The following MRPS31 variants were observed in gnomAD, a reference collection of about 807,000 sequenced individuals.
MRPS31 encodes small ribosomal subunit protein mS31.
MRPS31 carries 32 observed loss-of-function variants against 43.1 expected under a neutral mutation model. The observed-to-expected ratio is 0.74, with a 90% CI of 0.56 to 1.00. MRPS31 has a LOEUF of 1.00. Among genes scored for constraint, MRPS31 ranks in the 50% least tolerant of loss-of-function variants. The probability of loss-of-function intolerance (pLI) is 0.00; values close to 1 mark genes in which losing one functional copy is unlikely to be tolerated. For synonymous variants in MRPS31, 165 were observed against 161.6 expected (o/e 1.02, Z -0.16); for missense variants, 437 against 466.7 (o/e 0.94, Z 0.59).
At chr13:40,758,306 G>C (rs538840141) in intron 3 of MRPS31, among the ~76,000 whole-genome samples, 5 of 152,242 alleles carry the variant, frequency 3.3e-5, no homozygotes, top group African/African-American at 9.6e-5. Flanking sequence ...TGTTCCTCTT[G>C]TCTTAGCCTC....
In MRPS31 at chr13:40,737,574, A is replaced by G. The variant is rs543474419; in HGVS notation, c.959-7973T>C. 5.9e-5 allele frequency among the ~76,000 whole-genome samples: 9 copies of G among 152,362 alleles called. No homozygotes were observed. In the East Asian group the frequency reaches 9.6e-4, roughly 16 times the overall value. The stretch of plus-strand genomic sequence containing the variant: ...CAAATGTAAAAGAACAGACATTATA[A>G]CAAACTATCTATCTGTCAGACCACA... On this transcript the variant is annotated intron_variant, in intron 6 of 6. Coordinates refer to ENST00000323563, the MANE Select transcript of MRPS31 (RefSeq NM_005830.4).
chr13:40,730,431 A>G (rs887389288), intron 6 of MRPS31, among the ~76,000 whole-genome samples: 1 of 152,104 alleles, frequency 6.6e-6, no homozygotes, highest in African/African-American at 2.4e-5. Context: ...AGGCTGAGGT[A>G]TAAGAATTGT....
intron 6 of MRPS31, among the ~76,000 whole-genome samples, chr13:40,731,410 C>T (rs1473561638): frequency 1.3e-5 from 2 of 151,140 alleles, no homozygotes; most frequent in African/African-American, 2.4e-5. Context: ...GGTGAAACCC[C>T]GTCTCTACTA....
intron 6 of MRPS31, among the ~76,000 whole-genome samples, chr13:40,730,484 C>T (rs1879649650): frequency 6.6e-6 from 1 of 152,182 alleles, no homozygotes; most frequent in African/African-American, 2.4e-5. Flanking sequence ...AAGATCAAGC[C>T]ACTACACTCC....
intron 2 of MRPS31, among the ~76,000 whole-genome samples, chr13:40,762,084 G>GAA (rs796507263): frequency 2.1e-5 from 3 of 142,308 alleles, no homozygotes; most frequent in Non-Finnish European, 4.7e-5. Flanking sequence ...TCTACAAAAA[G>GAA]AAAAAAAAAA....
At chr13:40,768,201 A>C (rs1880903749) in intron 1 of MRPS31, among the ~76,000 whole-genome samples, 1 of 152,232 alleles carries the variant, frequency 6.6e-6, no homozygotes, top group African/African-American at 2.4e-5. Flanking sequence ...GTAAGAGGGT[A>C]TATTAAAAAA....
intron 5 of MRPS31, among the ~76,000 whole-genome samples, chr13:40,751,440 T>G (rs922186295): frequency 6.6e-6 from 1 of 152,172 alleles, no homozygotes; most frequent in African/African-American, 2.4e-5. Context: ...TGGGGAAAAG[T>G]TAGTGTGGCA....
intron 6 of MRPS31, among the ~76,000 whole-genome samples, chr13:40,741,659 A>C (rs1880095723): frequency 6.6e-6 from 1 of 152,152 alleles, no homozygotes; most frequent in Non-Finnish European, 1.5e-5. Context: ...GAGACTTTGT[A>C]AGTATTTATT....
chr13:40,736,575 C>T (rs964933363), intron 6 of MRPS31, among the ~76,000 whole-genome samples: 26 of 151,052 alleles, frequency 1.7e-4, no homozygotes, highest in South Asian at 8.4e-4. Context: ...AGACTAACAG[C>T]GGATCTCTCG....
intron 6 of MRPS31, among the ~76,000 whole-genome samples, chr13:40,742,286 T>G (rs188708531): frequency 1.3e-4 from 20 of 152,320 alleles, no homozygotes; most frequent in Non-Finnish European, 2.5e-4. Flanking sequence ...TGTCTAATTC[T>G]GCTTTAAGTA....
At chr13:40,766,561 C>G (rs1420296443) in intron 2 of MRPS31, among the ~76,000 whole-genome samples, 185 bp downstream of exon 2, 1 of 152,176 alleles carries the variant, frequency 6.6e-6, no homozygotes, top group African/African-American at 2.4e-5. Context: ...TCCCAAAGTG[C>G]TGGGATTACA....
intron 6 of MRPS31, among the ~76,000 whole-genome samples, chr13:40,740,140 C>A (rs1173552150): frequency 6.7e-6 from 1 of 148,902 alleles, no homozygotes; most frequent in Non-Finnish European, 1.5e-5. Flanking sequence ...TGAACAGACA[C>A]TTCTCAAAAG....
intron 5 of MRPS31, among the ~76,000 whole-genome samples, chr13:40,753,478 G>T (rs1880447405): frequency 6.6e-6 from 1 of 152,208 alleles, no homozygotes; most frequent in African/African-American, 2.4e-5. Context: ...CAAGGGGGAA[G>T]CCTGACCGAA....
In MRPS31 at chr13:40,759,012, T is replaced by C. The variant is rs1880616892; in HGVS notation, c.535A>G (p.Ser179Gly). 1 of 1,608,502 alleles carries C rather than the reference T, an allele frequency of 6.2e-7. No homozygotes were observed. The highest frequency in any genetic ancestry group is 1.1e-5 in the South Asian group (1 of 89,678). Reference protein sequence around the residue: ...DKQTTKSELLSQLQQHEEESR... With the variant: ...DKQTTKSELLGQLQQHEEESR... ...TCTTCCTCATGCTGCTGGAGCTGGCTCAGCAGCTCTGACTTGGTTGTTTGC... is the reference window on the plus strand; with the variant it reads ...TCTTCCTCATGCTGCTGGAGCTGGCCCAGCAGCTCTGACTTGGTTGTTTGC... Residue 179 changes from serine to glycine, a missense_variant, in exon 3 of 7, where the codon AGC (serine) becomes GGC (glycine). Ser to Gly is a moderately conservative substitution (Grantham distance 56, BLOSUM62 0). Transcript: ENST00000323563.
In MRPS31 at chr13:40,771,168, C is replaced by T. The variant is rs751296572; in HGVS notation, c.-32G>A. ...GACACGAAATGAACCAAGAACACAACTGAAATGGTGCGTCCCGCTGCCAAA... is the reference window on the plus strand; with the variant it reads ...GACACGAAATGAACCAAGAACACAATTGAAATGGTGCGTCCCGCTGCCAAA... On this transcript the variant is annotated 5_prime_UTR_variant, in exon 1 of 7. Coordinates refer to ENST00000323563, the MANE Select transcript of MRPS31 (RefSeq NM_005830.4). The T allele has an allele frequency of 1.9e-6, 3 of 1,568,724 alleles. No homozygotes were observed. The Middle Eastern group carries it at 5.1e-4, about 268-fold the overall frequency.
chr13:40,732,055 T>C (rs1463399176), intron 6 of MRPS31, among the ~76,000 whole-genome samples: 3 of 152,246 alleles, frequency 2.0e-5, no homozygotes, highest in Admixed American at 2.0e-4. Flanking sequence ...TACAGAGCTA[T>C]GTACAAATTA....
intron 3 of MRPS31, among the ~76,000 whole-genome samples, chr13:40,758,597 C>A (rs73459583): frequency 0.045 from 6,832 of 152,210 alleles, 311 homozygotes; most frequent in East Asian, 0.14. Flanking sequence ...AGATTATCAT[C>A]CTGTGCATAA....
Position 40,763,217 on chromosome 13 carries a change from G to A in MRPS31, c.440+3529C>T, listed in dbSNP as rs185526987. Among the ~76,000 whole-genome samples the A allele has an allele frequency of 2.4e-4, 37 of 152,204 alleles. 1 individual carries two copies. The highest frequency in any genetic ancestry group is 2.0e-3 in the Admixed American group (31 of 15,288). ...AGGTGACACCTGGCCCAGTCCATTC[G>A]GGAAGATGAAAGACAGAACCACAGC... On this transcript the variant is annotated intron_variant, in intron 2 of 6. Coordinates refer to ENST00000323563, the MANE Select transcript of MRPS31 (RefSeq NM_005830.4).
Position 40,771,066 on chromosome 13 carries a change from G to A in MRPS31, c.71C>T (p.Pro24Leu), listed in dbSNP as rs1017191960. The part of the protein sequence containing the change: ...LSRHPLSSGS[P>L]ETSAAAIMLL... ...CATAATCGCAGCCGCTGATGTCTCC[G>A]GGCTTCCAGAGGACAAAGGGTGGCG... Residue 24 changes from proline to leucine, a missense_variant, in exon 1 of 7, where the codon CCG becomes CTG. Pro to Leu is a moderately conservative substitution (Grantham distance 98). Transcript: ENST00000323563. 2 of 1,613,968 alleles carry A rather than the reference G, an allele frequency of 1.2e-6. No individual in the cohort carries two copies. Among genetic ancestry groups the A allele is most frequent in the African/African-American group, 1.3e-5 (1 of 74,890 alleles).
Sources: allele counts gnomAD v4.1 joint callset (sites outside exome capture counted in the v4.1 genomes callset), GRCh38; gene constraint gnomAD v4.1.1; transcripts MANE v1.5; gene names NCBI Gene and HGNC (gene_info 2026-07-23, HGNC 2026-07-21).